CCDC88C: variants seen among roughly 807,000 people sequenced by gnomAD.
CCDC88C encodes the protein protein Daple.
Under a neutral mutation model 198.8 loss-of-function variants are expected in CCDC88C, and 131 were observed. That is an observed-to-expected ratio of 0.66 (90% CI 0.57 to 0.76). The LOEUF is 0.76. Ranked by LOEUF, CCDC88C falls within the 30% of genes least tolerant of loss-of-function variation. The pLI, the probability that CCDC88C is intolerant of heterozygous loss-of-function variation, is 0.00. For synonymous variants in CCDC88C, 1,166 were observed against 1,114.7 expected (o/e 1.05, Z -0.92); for missense variants, 2,553 against 2,631.6 (o/e 0.97, Z 0.65).
At position 91,281,493 on chromosome 14, in the gene CCDC88C, A is replaced by T; in HGVS notation, c.4663T>A (p.Ser1555Thr). ...YNSDDNLCEP[S>T]LEFEVPNHRQ... ...TGGTTGGGGACCTCAAACTCCAGGGATGGCTCACAGAGGTTGTCATCTGAG... is the reference window on the plus strand; with the variant it reads ...TGGTTGGGGACCTCAAACTCCAGGGTTGGCTCACAGAGGTTGTCATCTGAG... The change falls in exon 27 of 30, where the codon TCC becomes ACC. Residue 1555 changes from serine (S) to threonine (T), a missense_variant. Coordinates refer to ENST00000389857, the MANE Select transcript of CCDC88C (RefSeq NM_001080414.4). The T allele has an allele frequency of 6.2e-7, 1 of 1,613,946 alleles. No individual in the cohort carries two copies. Among genetic ancestry groups the T allele is most frequent in the Non-Finnish European group, 8.5e-7 (1 of 1,179,860 alleles).
At position 91,309,856 on chromosome 14, in the gene CCDC88C, C is replaced by T; in HGVS notation, c.2864+3G>A. On this transcript the variant is annotated splice_donor_region_variant and intron_variant, in intron 16 of 29. Transcript: ENST00000389857. ...GATGGGGAGAGGGAGAAGAGGCCCT[C>T]ACGTGTCACTGCCGCTGTCGTCCTC... The T allele has an allele frequency of 6.2e-7, 1 of 1,609,232 alleles. No homozygotes were observed. The highest frequency in any genetic ancestry group is 1.3e-5 in the African/African-American group (1 of 74,940).
intron 3 of CCDC88C, among the ~76,000 whole-genome samples, chr14:91,396,604 T>TA (rs1885861619): frequency 6.6e-6 from 1 of 152,138 alleles, no homozygotes; most frequent in Non-Finnish European, 1.5e-5. Flanking sequence ...TCTGCAAGCT[T>TA]AACATTCATC....
chr14:91,285,874 G>A (rs1207146018), intron 25 of CCDC88C: 5 of 1,130,372 alleles, frequency 4.4e-6, no homozygotes, highest in African/African-American at 3.3e-5. Context: ...AAGGAGGAAG[G>A]AAAAAGAAAA....
chr14:91,343,542 A>T (rs758919158), intron 5 of CCDC88C, 57 bp downstream of exon 5: 75 of 1,607,450 alleles, frequency 4.7e-5, no homozygotes, highest in Non-Finnish European at 6.1e-5. Context: ...AGTCCCGCAA[A>T]CCCAATATGA....
At chr14:91,296,285 A>C (rs185408922) in intron 22 of CCDC88C, among the ~76,000 whole-genome samples, 1 of 152,194 alleles carries the variant, frequency 6.6e-6, no homozygotes, top group Admixed American at 6.5e-5. Context: ...GCATCTTCCA[A>C]AAAGTACCCC....
At chr14:91,278,296 C>A in intron 28 of CCDC88C, 85 bp from the exon 29 acceptor site, 1 of 1,282,852 alleles carries the variant, frequency 7.8e-7, no homozygotes, top group South Asian at 1.8e-5. Context: ...CTGCCTTTGC[C>A]CACTTCAAAC....
chr14:91,383,899 G>A (rs1424513581), intron 3 of CCDC88C, among the ~76,000 whole-genome samples: 1 of 152,188 alleles, frequency 6.6e-6, no homozygotes, highest in Non-Finnish European at 1.5e-5. Context: ...TCCAGTAATG[G>A]GTGATGCTGT....
chr14:91,286,254 T>A (rs1244937275), intron 25 of CCDC88C, among the ~76,000 whole-genome samples: 1 of 152,288 alleles, frequency 6.6e-6, no homozygotes, highest in African/African-American at 2.4e-5. Flanking sequence ...ATCCTCCCGT[T>A]CCCACTCAAA....
At chr14:91,293,552 C>CCTCA in intron 23 of CCDC88C, among the ~76,000 whole-genome samples, 1 of 27,488 alleles carries the variant, frequency 3.6e-5, no homozygotes, top group Non-Finnish European at 8.0e-5. Context: ...ACCTTCCTGT[C>CCTCA]CCCTCGCCTG....
At chr14:91,406,619 C>T (rs946860049) in intron 3 of CCDC88C, among the ~76,000 whole-genome samples, 1 of 152,248 alleles carries the variant, frequency 6.6e-6, no homozygotes, top group Non-Finnish European at 1.5e-5. Flanking sequence ...TATGTGCTTC[C>T]CCTAGCACTC....
In CCDC88C at chr14:91,408,773, G is replaced by C; in HGVS notation, c.162-6C>G. 6.3e-7 allele frequency: 1 copy of C among 1,595,744 alleles called. No homozygotes were observed. Among genetic ancestry groups the C allele is most frequent in the African/African-American group, 1.3e-5 (1 of 74,690 alleles). On this transcript the variant is annotated splice_region_variant and splice_polypyrimidine_tract_variant and intron_variant, in intron 2 of 29. Coordinates refer to ENST00000389857, the MANE Select transcript of CCDC88C (RefSeq NM_001080414.4). ...GATTTGTGGGCCTGGGATCTCTAGG[G>C]GAAGAAACACGAGAATGGAAATTGC...
intron 3 of CCDC88C, among the ~76,000 whole-genome samples, chr14:91,388,594 C>T (rs937137988): frequency 6.6e-6 from 1 of 152,250 alleles, no homozygotes. Flanking sequence ...AACTCAGACG[C>T]TCACAGTAAG....
At chr14:91,308,618 C>T in intron 16 of CCDC88C, 126 bp from the exon 17 acceptor site, 2 of 1,013,578 alleles carry the variant, frequency 2.0e-6, no homozygotes, top group East Asian at 2.4e-5. Flanking sequence ...AGCTTTTGGC[C>T]CAGAAGAACT....
rs116277737 is a variant in CCDC88C, at chr14:91,348,834, T to C, written c.341-5177A>G. 3.1e-3 allele frequency among the ~76,000 whole-genome samples: 472 copies of C among 152,214 alleles called. 6 individuals are homozygous for C. Among genetic ancestry groups the C allele is most frequent in the African/African-American group, 0.011 (447 of 41,538 alleles). On this transcript the variant is annotated intron_variant, in intron 4 of 29. Transcript: ENST00000389857. ...CTGCCCTCATTCAAATGAAGCAGAG[T>C]GATGCTTGCTCTCACCAGGCTGAGT... is the stretch of plus-strand genomic sequence containing the variant.
At chr14:91,316,627 T>TGGCCA (rs1892111047) in intron 13 of CCDC88C, among the ~76,000 whole-genome samples, 2 of 152,182 alleles carry the variant, frequency 1.3e-5, no homozygotes, top group African/African-American at 4.8e-5. Context: ...TTCACTGTGT[T>TGGCCA]GGCCAGGCTG....
rs764840728 is a variant in CCDC88C at position 91,339,984 on chromosome 14, A to G, written c.524T>C (p.Leu175Pro). 6.2e-7 allele frequency: 1 copy of G among 1,606,918 alleles called. No homozygotes were observed. Among genetic ancestry groups the G allele is most frequent in the Admixed American group, 1.7e-5 (1 of 59,284 alleles). Residue 175 changes from leucine to proline, a missense_variant, in exon 7 of 30, where the codon CTG (leucine) becomes CCG (proline). Leu to Pro is a moderately conservative substitution (Grantham distance 98). Transcript: ENST00000389857. The surrounding 1 kb of genome is among the most constrained non-coding windows in gnomAD (Gnocchi z 5.8). The stretch of plus-strand genomic sequence containing the variant: ...CTCCGGAGCCACGTCGGGCAGCTCC[A>G]GCCACTGCAGGTCAAACACGTTCTC... Reference protein sequence around the residue: ...NQENVFDLQWLELPDVAPEEL... With the variant: ...NQENVFDLQWPELPDVAPEEL...
At chr14:91,277,788 G>T in intron 29 of CCDC88C, 134 bp downstream of exon 29, 1 of 996,472 alleles carries the variant, frequency 1.0e-6, no homozygotes, top group Non-Finnish European at 1.4e-6. Flanking sequence ...GCTCTAGTCA[G>T]CCTCTCATGT....
In CCDC88C at chr14:91,352,277, G is replaced by C. The variant is rs1472623775; in HGVS notation, c.340+7365C>G. ...GTTTACTAACAAAGTCTGGTCTCCA[G>C]GCAGATCCGCGGGTGCTTGGAGGCC... On this transcript the variant is annotated intron_variant, in intron 4 of 29. Transcript: ENST00000389857. The surrounding 1 kb of genome is among the most constrained non-coding windows in gnomAD (Gnocchi z 4.2). 6.6e-6 allele frequency among the ~76,000 whole-genome samples: 1 copy of C among 152,228 alleles called. No individual in the cohort carries two copies. Among genetic ancestry groups the C allele is most frequent in the Non-Finnish European group, 1.5e-5 (1 of 68,044 alleles).
chr14:91,343,641 T>G lies in CCDC88C; in HGVS notation c.357A>C (p.Glu119Asp). Residue 119 changes from glutamate to aspartate, a missense_variant, in exon 5 of 30, where the codon GAA becomes GAC. Physicochemically the swap from Glu to Asp is conservative, Grantham distance 45. Transcript: ENST00000389857. ...GCACCAGCAGCAGCACCTTCTTGAT[T>G]TCCTCCATGCTCTTCCCTAGATCAA... Reference protein sequence around the residue: ...RDPLSGKSMEEIKKVLLLVLG... With the variant: ...RDPLSGKSMEDIKKVLLLVLG... 6.2e-7 allele frequency: 1 copy of G among 1,613,748 alleles called. No homozygotes were observed. The highest frequency in any genetic ancestry group is 8.5e-7 in the Non-Finnish European group (1 of 1,179,856).
Sources: gnomAD v4.1 joint callset for allele counts (sites outside exome capture counted in the v4.1 genomes callset) on GRCh38, gnomAD v4.1.1 for gene constraint, Gnocchi (gnomAD v3.1) non-coding constraint, MANE v1.5 for transcripts, NCBI Gene and HGNC (gene_info 2026-07-23, HGNC 2026-07-21) for gene names.